THSD1: variants seen among roughly 807,000 people sequenced by gnomAD.
THSD1 encodes thrombospondin type 1 domain containing 1.
In THSD1, 34 loss-of-function variants were observed where a neutral mutation model predicts 46.3. The ratio of observed to expected loss-of-function variants is 0.74; its 90% confidence interval spans 0.56 to 0.98. THSD1 has a LOEUF of 0.98. Among genes scored for constraint, THSD1 ranks in the 50% least tolerant of loss-of-function variants. THSD1 has a pLI of 0.00. For missense variants in THSD1, 1,023 were observed against 1,058.3 expected, an observed-to-expected ratio of 0.97 and a Z score of 0.46; for synonymous variants, 407 against 416.5, an observed-to-expected ratio of 0.98 and a Z score of 0.28.
chr13:52,378,099 A>T lies in THSD1; in HGVS notation c.1871T>A (p.Leu624Gln). The T allele has an allele frequency of 6.2e-7, 1 of 1,614,184 alleles. No homozygotes were observed. The highest frequency in any genetic ancestry group is 8.5e-7 in the Non-Finnish European group (1 of 1,180,030). The change falls in exon 5 of 5, where the codon CTG becomes CAG. Residue 624 changes from leucine (L) to glutamine (Q), a missense_variant. Physicochemically the swap from Leu to Gln is moderately radical, Grantham distance 113. Around this residue, in one of 3 missense-constraint regions of THSD1, gnomAD observed 578 missense variants for 497.4 expected, o/e 1.16. Transcript: ENST00000258613. ...ASCAISPSQT[L>Q]IRKSQARHVG... ...GTGCCTTGCCTGTGACTTGCGGATC[A>T]GAGTCTGGCTGGGGCTTATGGCACA...
chr13:52,398,530 C>T (rs528348969), intron 2 of THSD1: 2 of 984,266 alleles, frequency 2.0e-6, no homozygotes, highest in South Asian at 9.4e-5. Flanking sequence ...ACATGAGCCA[C>T]TGCACCCAGC....
chr13:52,378,161 A>T lies in THSD1; in HGVS notation c.1809T>A (p.Pro603=). ...EQPAVSAGER[P]PSRLDLNVTQ... Reference sequence around the variant, plus strand: ...TCACATTTAGATCCAGCCTGGAGGGAGGCCTTTCCCCGGCACTGACCGCGG... The same window carrying T: ...TCACATTTAGATCCAGCCTGGAGGGTGGCCTTTCCCCGGCACTGACCGCGG... Residue 603 remains proline (P), a synonymous_variant, in exon 5 of 5, where the codon CCT becomes CCA. Coordinates refer to ENST00000258613, the MANE Select transcript of THSD1 (RefSeq NM_018676.4). 2 of 1,614,040 alleles carry T rather than the reference A, an allele frequency of 1.2e-6. No homozygotes were observed. The highest frequency in any genetic ancestry group is 2.2e-5 in the South Asian group (2 of 91,080).
rs1957640470 is a variant in THSD1 at position 52,377,351 on chromosome 13, A to G, written c.*60T>C. Reference sequence around the variant, plus strand: ...GTCCTACGGTACAAATAGTTACACAAAAGTCTACAAAACGCGAGTAGCAGA... The same window carrying G: ...GTCCTACGGTACAAATAGTTACACAGAAGTCTACAAAACGCGAGTAGCAGA... On this transcript the variant is annotated 3_prime_UTR_variant, in exon 5 of 5. Coordinates refer to ENST00000258613, the MANE Select transcript of THSD1 (RefSeq NM_018676.4). 15 of 1,462,304 alleles carry G rather than the reference A, an allele frequency of 1.0e-5. No individual in the cohort carries two copies. The highest frequency in any genetic ancestry group is 1.2e-5 in the Non-Finnish European group (13 of 1,100,808). The allele number at this position is 1,462,304 out of a possible 1,614,324, so 90.6% of individuals were successfully genotyped here.
At chr13:52,384,028 C>G in intron 4 of THSD1, 1 of 303,148 alleles carries the variant, frequency 3.3e-6, no homozygotes, top group Non-Finnish European at 6.4e-6. Flanking sequence ...CATAGAGAAA[C>G]CCCGTCTCTA....
chr13:52,391,557 T>TA (rs1194662411), intron 3 of THSD1, among the ~76,000 whole-genome samples: 2 of 150,958 alleles, frequency 1.3e-5, no homozygotes, highest in East Asian at 2.0e-4. Context: ...TATATATATA[T>TA]TTTTTAGATG....
At chr13:52,384,184 CA>C (rs754288122) in intron 4 of THSD1, 21,626 of 161,700 alleles carry the variant, frequency 0.13, 7 homozygotes, top group South Asian at 0.18. Context: ...AACTCCGTCT[CA>C]AAAAAAAAAA....
chr13:52,394,799 C>T (rs1334048766), intron 3 of THSD1, among the ~76,000 whole-genome samples: 28 of 152,148 alleles, frequency 1.8e-4, no homozygotes, highest in Admixed American at 1.8e-3. Flanking sequence ...AGCTTCATAG[C>T]AGCACGAGTC....
At chr13:52,388,835 A>G (rs191297689) in intron 3 of THSD1, among the ~76,000 whole-genome samples, 2 of 152,326 alleles carry the variant, frequency 1.3e-5, no homozygotes, top group African/African-American at 4.8e-5. Flanking sequence ...GATCACACAA[A>G]GAATGGGAGG....
chr13:52,403,950 T>C (rs897909245), intron 1 of THSD1, among the ~76,000 whole-genome samples: 1 of 139,628 alleles, frequency 7.2e-6, no homozygotes, highest in African/African-American at 2.7e-5. Context: ...TTTTTTTTTT[T>C]TTTTTTTTTT....
chr13:52,405,347 G>A (rs759952082), intron 1 of THSD1, among the ~76,000 whole-genome samples: 2 of 152,210 alleles, frequency 1.3e-5, no homozygotes, highest in Admixed American at 6.5e-5. Context: ...TGGGACCAAT[G>A]ATTCGTGAAA....
At chr13:52,396,558 C>T (rs753428173) in intron 3 of THSD1, among the ~76,000 whole-genome samples, 39 of 152,012 alleles carry the variant, frequency 2.6e-4, no homozygotes, top group Non-Finnish European at 7.4e-5. Context: ...AGATAAAAAA[C>T]GAACGAGACC....
chr13:52,402,579 A>C lies in THSD1; in HGVS notation c.22T>G (p.Phe8Val), dbSNP rs774000102. Residue 8 changes from phenylalanine to valine, a missense_variant, in exon 2 of 5, where the codon TTT (phenylalanine) becomes GTT (valine). Physicochemically the swap from Phe to Val is conservative, Grantham distance 50. Around this residue, in one of 3 missense-constraint regions of THSD1, gnomAD observed 429 missense variants for 518.3 expected, o/e 0.83. Transcript: ENST00000258613. ...AGTACCACCAACAATAGATTTGAAA[A>C]GTCTTTCAACATTGGTTTCATTCTG... MKPMLKD[F>V]SNLLLVVLCD... 1.4e-5 allele frequency: 22 copies of C among 1,613,918 alleles called. No individual in the cohort carries two copies. The highest frequency in any genetic ancestry group is 1.7e-5 in the Non-Finnish European group (20 of 1,179,950).
intron 3 of THSD1, among the ~76,000 whole-genome samples, chr13:52,387,217 T>C (rs1393209835): frequency 6.6e-6 from 1 of 152,206 alleles, no homozygotes; most frequent in Non-Finnish European, 1.5e-5. Flanking sequence ...ATGCCTTCCC[T>C]AAACACAAAA....
chr13:52,385,449 G>A (rs1342963083), intron 4 of THSD1, among the ~76,000 whole-genome samples: 1 of 140,640 alleles, frequency 7.1e-6, no homozygotes, highest in Non-Finnish European at 1.6e-5. Flanking sequence ...CCAGCTACGA[G>A]TATGTGCCTT....
At chr13:52,384,438 A>G in intron 4 of THSD1, 1 of 455,944 alleles carries the variant, frequency 2.2e-6, no homozygotes, top group South Asian at 1.5e-5. Flanking sequence ...CAATGTGGAA[A>G]TAAGAATATG....
chr13:52,397,146 ATTCACCTAAAT>A (rs1957818074), intron 3 of THSD1, 75 bp downstream of exon 3: 2 of 1,194,526 alleles, frequency 1.7e-6, no homozygotes, highest in African/African-American at 1.5e-5. Context: ...TGATGGTACA[ATTCACCTAAAT>A]TTCACCTAAA....
chr13:52,405,618 C>T (rs1957900516), intron 1 of THSD1, among the ~76,000 whole-genome samples: 2 of 152,336 alleles, frequency 1.3e-5, no homozygotes, highest in South Asian at 4.1e-4. Context: ...GCCTGGAAGT[C>T]TACCCCTCGC....
At chr13:52,386,960 C>T (rs558444375) in intron 3 of THSD1, among the ~76,000 whole-genome samples, 2 of 152,248 alleles carry the variant, frequency 1.3e-5, no homozygotes, top group South Asian at 2.1e-4. Context: ...ACTGGGGAGG[C>T]GCAGGATCAT....
intron 3 of THSD1, among the ~76,000 whole-genome samples, chr13:52,387,941 A>G (rs902697949): frequency 1.3e-5 from 2 of 152,174 alleles, no homozygotes; most frequent in Non-Finnish European, 2.9e-5. Context: ...TCCAAACCAC[A>G]TATCCAAGAT....
Sources: gnomAD v4.1 joint callset for allele counts (sites outside exome capture counted in the v4.1 genomes callset) on GRCh38, gnomAD v4.1.1 for gene constraint, gnomAD v4.1.1 regional missense constraint, MANE v1.5 for transcripts, NCBI Gene and HGNC (gene_info 2026-07-23, HGNC 2026-07-21) for gene names.